NBAS: variants seen among roughly 807,000 people sequenced by gnomAD.
The protein encoded by NBAS is NBAS subunit of NRZ tethering complex.
In NBAS, 219 loss-of-function variants were observed where a neutral mutation model predicts 302.5. The observed-to-expected ratio is 0.72, with a 90% CI of 0.65 to 0.81. NBAS has a LOEUF of 0.81. Among genes scored for constraint, NBAS ranks in the 30% least tolerant of loss-of-function variants. The pLI is 0.00. For synonymous variants in NBAS, 1,118 were observed against 1,021.6 expected, an observed-to-expected ratio of 1.09 and a Z score of -1.80; for missense variants, 2,932 against 2,841.6, an observed-to-expected ratio of 1.03 and a Z score of -0.72.
the NBAS span, among the ~76,000 whole-genome samples, chr2:14,784,595 T>C: frequency 3.9e-5 from 6 of 152,164 alleles, no homozygotes; most frequent in African/African-American, 1.4e-4. Context: ...CATTGCTTGT[T>C]TTTTCTCAGC....
At chr2:15,472,958 T>A (rs1342623282) in intron 16 of NBAS, among the ~76,000 whole-genome samples, 1 of 152,220 alleles carries the variant, frequency 6.6e-6, no homozygotes, top group East Asian at 1.9e-4. Context: ...GTGATTGTGG[T>A]ACAGGAAAGA....
chr2:15,534,709 T>C, intron 8 of NBAS, 68 bp from the exon 9 acceptor site: 1 of 1,157,846 alleles, frequency 8.6e-7, no homozygotes, highest in Non-Finnish European at 1.3e-6. Context: ...AAATACCCAA[T>C]AAAATGTTTA....
At chr2:15,426,223 A>T (rs1677468553) in intron 22 of NBAS, among the ~76,000 whole-genome samples, 2 of 152,224 alleles carry the variant, frequency 1.3e-5, no homozygotes, top group African/African-American at 4.8e-5. Flanking sequence ...TCTAGTTTCT[A>T]GTGTTTTTCC....
At chr2:14,965,482 T>C in the NBAS span, among the ~76,000 whole-genome samples, 5 of 152,222 alleles carry the variant, frequency 3.3e-5, no homozygotes, top group South Asian at 8.3e-4. Context: ...CAAGAAGAAA[T>C]AGATAAATTA....
chr2:14,950,360 C>A, the NBAS span, among the ~76,000 whole-genome samples: 2 of 152,198 alleles, frequency 1.3e-5, no homozygotes, highest in East Asian at 3.9e-4. Context: ...CTTTTTGTGG[C>A]TGAGTAGTAT....
intron 36 of NBAS, among the ~76,000 whole-genome samples, chr2:15,328,629 G>A (rs557161934): frequency 3.3e-4 from 51 of 152,288 alleles, no homozygotes; most frequent in African/African-American, 1.1e-3. Context: ...TTCATATGGT[G>A]AGTTTTTATA....
At chr2:14,896,006 A>G in the NBAS span, among the ~76,000 whole-genome samples, 114 of 30,826 alleles carry the variant, frequency 3.7e-3, no homozygotes, top group African/African-American at 2.4e-3. Context: ...TATAAAGGGG[A>G]AAAAAAAACG....
chr2:15,368,347 G>A (rs564110105), intron 31 of NBAS, among the ~76,000 whole-genome samples: 103 of 151,764 alleles, frequency 6.8e-4, no homozygotes, highest in South Asian at 4.2e-3. Context: ...CTACAGGCAC[G>A]TGCCACCACG....
At chr2:15,303,610 G>A (rs1670903729) in intron 40 of NBAS, among the ~76,000 whole-genome samples, 1 of 151,910 alleles carries the variant, frequency 6.6e-6, no homozygotes, top group African/African-American at 2.4e-5. Flanking sequence ...GGAAAGAGTG[G>A]TGGCCAGATA....
At chr2:15,079,597 A>C in the NBAS span, among the ~76,000 whole-genome samples, 1 of 152,152 alleles carries the variant, frequency 6.6e-6, no homozygotes, top group Non-Finnish European at 1.5e-5. Flanking sequence ...GCAGAGCCTG[A>C]GTTATGACAC....
the NBAS span, among the ~76,000 whole-genome samples, chr2:15,089,531 A>C: frequency 1.3e-5 from 2 of 152,100 alleles, no homozygotes; most frequent in African/African-American, 4.8e-5. Context: ...GGATACTCCC[A>C]GTCCAGGCAG....
the NBAS span, among the ~76,000 whole-genome samples, chr2:15,044,787 C>G: frequency 7.2e-5 from 11 of 152,112 alleles, no homozygotes; most frequent in African/African-American, 2.7e-4. Flanking sequence ...GAGGAGTTAC[C>G]CTAGCTTTCA....
chr2:15,300,512 T>C (rs540133034), intron 40 of NBAS, among the ~76,000 whole-genome samples: 8 of 152,234 alleles, frequency 5.3e-5, no homozygotes, highest in Non-Finnish European at 1.2e-4. Context: ...CCAACTATCA[T>C]GTCTACCAGT....
Position 15,468,553 on chromosome 2 carries a change from C to T in NBAS, c.1726-20G>A, listed in dbSNP as rs911371878. 1.2e-6 allele frequency: 2 copies of T among 1,612,778 alleles called. No homozygotes were observed. Among genetic ancestry groups the T allele is most frequent in the Non-Finnish European group, 1.7e-6 (2 of 1,179,006 alleles). Reference sequence around the variant, plus strand: ...TTTACTCTGCATATAAAGGAAGAAACAGAGGAATTACAGAATCCATGACAT... The same window carrying T: ...TTTACTCTGCATATAAAGGAAGAAATAGAGGAATTACAGAATCCATGACAT... On this transcript the variant is annotated intron_variant, in intron 16 of 51. Coordinates refer to ENST00000281513, the MANE Select transcript of NBAS (RefSeq NM_015909.4).
intron 40 of NBAS, among the ~76,000 whole-genome samples, chr2:15,305,441 C>T (rs575964629): frequency 6.8e-6 from 1 of 146,472 alleles, no homozygotes; most frequent in Admixed American, 6.9e-5. Flanking sequence ...ATTACTCAGT[C>T]TCGAGCAGTT....
intron 35 of NBAS, among the ~76,000 whole-genome samples, chr2:15,334,828 G>C (rs571435558): frequency 1.3e-5 from 2 of 151,974 alleles, no homozygotes; most frequent in African/African-American, 4.8e-5. Flanking sequence ...ATTTTAACAC[G>C]CTTATGTAAC....
At chr2:15,542,095 C>G (rs1663873154) in intron 6 of NBAS, among the ~76,000 whole-genome samples, 1 of 84,256 alleles carries the variant, frequency 1.2e-5, no homozygotes. Flanking sequence ...TGAGGAGCCC[C>G]TCTGCCTGGC....
the NBAS span, among the ~76,000 whole-genome samples, chr2:14,983,041 G>A: frequency 2.9e-3 from 448 of 152,302 alleles, no homozygotes; most frequent in African/African-American, 0.01. Context: ...AGAATCTTTA[G>A]GCTACACCAC....
the NBAS span, among the ~76,000 whole-genome samples, chr2:15,126,405 C>T: frequency 6.6e-6 from 1 of 152,114 alleles, no homozygotes; most frequent in Admixed American, 6.5e-5. Context: ...GATACAGGAG[C>T]CCTGGTAGAG....
Sources: allele counts gnomAD v4.1 joint callset (sites outside exome capture counted in the v4.1 genomes callset), GRCh38; gene constraint gnomAD v4.1.1; transcripts MANE v1.5; gene names NCBI Gene and HGNC (gene_info 2026-07-23, HGNC 2026-07-21).